Variants in PTPRG observed in about 807,000 individuals in gnomAD.
The protein encoded by PTPRG is protein tyrosine phosphatase receptor type G, also known as receptor-type tyrosine-protein phosphatase gamma.
A neutral mutation model predicts 165.3 loss-of-function variants in PTPRG; 102 were observed. That is an observed-to-expected ratio of 0.62 (90% CI 0.53 to 0.73). The LOEUF is 0.73. Ranked by LOEUF, PTPRG falls within the 30% of genes least tolerant of loss-of-function variation. The probability of loss-of-function intolerance (pLI) is 0.00; values close to 1 mark genes in which losing one functional copy is unlikely to be tolerated. For missense variants in PTPRG, 1,866 were observed against 1,861.4 expected, an observed-to-expected ratio of 1.00 and a Z score of -0.05; for synonymous variants, 675 against 669.5, an observed-to-expected ratio of 1.01 and a Z score of -0.13.
At chr3:62,164,083 G>A (rs923210738) in intron 7 of PTPRG, among the ~76,000 whole-genome samples, 4 of 152,182 alleles carry the variant, frequency 2.6e-5, no homozygotes, top group Non-Finnish European at 4.4e-5. Context: ...AAGCAGAACA[G>A]ATTACGGACC....
chr3:61,938,113 T>A (rs147173967), intron 2 of PTPRG, among the ~76,000 whole-genome samples: 1 of 152,196 alleles, frequency 6.6e-6, no homozygotes, highest in Non-Finnish European at 1.5e-5. Context: ...GTTTAAAAAA[T>A]ACTCTTCCTT....
chr3:62,292,683 CTT>C (rs1559776477), intron 29 of PTPRG, 127 bp downstream of exon 29: 1 of 1,120,208 alleles, frequency 8.9e-7, no homozygotes, highest in East Asian at 2.5e-5. Context: ...TGTCTGGAGA[CTT>C]TTTTGCTTGT....
At chr3:61,879,961 C>T (rs909719862) in intron 2 of PTPRG, among the ~76,000 whole-genome samples, 1 of 152,206 alleles carries the variant, frequency 6.6e-6, no homozygotes, top group Admixed American at 6.5e-5. Flanking sequence ...GTCTTCACTA[C>T]AGCCTATGGT....
intron 2 of PTPRG, among the ~76,000 whole-genome samples, chr3:61,810,475 C>G (rs1382273346): frequency 6.6e-6 from 1 of 152,002 alleles, no homozygotes; most frequent in East Asian, 1.9e-4. Flanking sequence ...TTTAGGTGCC[C>G]TGTATAAGCA....
chr3:61,699,734 T>C (rs1191224312), intron 1 of PTPRG, among the ~76,000 whole-genome samples: 2 of 152,126 alleles, frequency 1.3e-5, no homozygotes, highest in Admixed American at 6.5e-5. Flanking sequence ...TTTACTACTG[T>C]GGAGAAACAA....
chr3:62,249,285 CTG>C (rs1278205606), intron 15 of PTPRG, among the ~76,000 whole-genome samples: 1 of 152,068 alleles, frequency 6.6e-6, no homozygotes, highest in Non-Finnish European at 1.5e-5. Context: ...AATTTGGCCT[CTG>C]AGAGACTGAG....
intron 1 of PTPRG, among the ~76,000 whole-genome samples, chr3:61,650,401 G>A (rs1224369758): frequency 1.3e-5 from 2 of 152,122 alleles, no homozygotes; most frequent in African/African-American, 2.4e-5. Flanking sequence ...ACACAGTGAC[G>A]AGTTCCGCAC....
chr3:62,061,270 A>G (rs1700800903), intron 4 of PTPRG, among the ~76,000 whole-genome samples: 1 of 152,342 alleles, frequency 6.6e-6, no homozygotes, highest in South Asian at 2.1e-4. Flanking sequence ...ACTGTTGTGT[A>G]TTATAAATTC....
At chr3:62,081,107 AT>A (rs1469059212) in intron 5 of PTPRG, among the ~76,000 whole-genome samples, 7 of 151,968 alleles carry the variant, frequency 4.6e-5, no homozygotes, top group African/African-American at 1.2e-4. Flanking sequence ...AATACAAAAA[AT>A]TAGCCGGGCG....
chr3:61,577,483 C>T lies in PTPRG; in HGVS notation c.85+15111C>T, dbSNP rs138690278. On this transcript the variant is annotated intron_variant, in intron 1 of 29. Transcript: ENST00000474889. ...AGATGTGCTTCAAGTGTAAAATATA[C>T]ACCAGATTTCAAAGACAAATGAAAA... Among the ~76,000 whole-genome samples, 278 of 152,234 alleles carry T rather than the reference C, an allele frequency of 1.8e-3. 1 individual carries two copies. Among genetic ancestry groups the T allele is most frequent in the African/African-American group, 6.5e-3 (269 of 41,544 alleles).
At chr3:61,969,386 T>G (rs1417782668) in intron 2 of PTPRG, among the ~76,000 whole-genome samples, 1 of 152,222 alleles carries the variant, frequency 6.6e-6, no homozygotes, top group Non-Finnish European at 1.5e-5. Flanking sequence ...ACAAATAATT[T>G]GTGAATGAAT....
chr3:61,666,292 C>T (rs1333234771), intron 1 of PTPRG, among the ~76,000 whole-genome samples: 1 of 152,240 alleles, frequency 6.6e-6, no homozygotes, highest in African/African-American at 2.4e-5. Flanking sequence ...TGAATTACTT[C>T]TGGGCTTGAC....
chr3:61,840,956 A>G (rs2036614474), intron 2 of PTPRG, among the ~76,000 whole-genome samples: 1 of 151,628 alleles, frequency 6.6e-6, no homozygotes, highest in Non-Finnish European at 1.5e-5. Flanking sequence ...TAATTTTTGT[A>G]TTTTTAGTAG....
intron 24 of PTPRG, 53 bp downstream of exon 24, chr3:62,276,019 G>A (rs191595376): frequency 1.5e-6 from 2 of 1,355,338 alleles, no homozygotes; most frequent in Admixed American, 3.6e-5. Context: ...TTGTATGTTA[G>A]GTACAGAGGC....
intron 1 of PTPRG, among the ~76,000 whole-genome samples, chr3:61,723,414 T>C (rs1394689740): frequency 1.3e-5 from 2 of 152,154 alleles, no homozygotes; most frequent in South Asian, 2.1e-4. Flanking sequence ...ATAGGATACA[T>C]GTGCACATTT....
At chr3:62,208,286 C>T (rs1700278650) in intron 12 of PTPRG, among the ~76,000 whole-genome samples, 1 of 152,102 alleles carries the variant, frequency 6.6e-6, no homozygotes, top group Admixed American at 6.5e-5. Flanking sequence ...GGAGCCACAG[C>T]GTGAGCCCAG....
At chr3:61,985,560 G>C (rs1469445020) in intron 2 of PTPRG, among the ~76,000 whole-genome samples, 1 of 152,194 alleles carries the variant, frequency 6.6e-6, no homozygotes, top group East Asian at 1.9e-4. Context: ...GTACAGAGGA[G>C]GGGCTGTGAG....
chr3:61,887,161 T>TAAAA (rs2038071165), intron 2 of PTPRG, among the ~76,000 whole-genome samples: 1 of 92,742 alleles, frequency 1.1e-5, no homozygotes. Context: ...TATATATATA[T>TAAAA]ATATATATAT....
intron 1 of PTPRG, among the ~76,000 whole-genome samples, chr3:61,565,086 G>A (rs1428188308): frequency 6.6e-6 from 1 of 152,164 alleles, no homozygotes; most frequent in East Asian, 1.9e-4. Flanking sequence ...TCATAACTCA[G>A]CATAACTCTT....
Sources: allele counts gnomAD v4.1 joint callset (sites outside exome capture counted in the v4.1 genomes callset), GRCh38; gene constraint gnomAD v4.1.1; transcripts MANE v1.5; gene names NCBI Gene and HGNC (gene_info 2026-07-23, HGNC 2026-07-21).